Variants in LAMP3 observed in about 807,000 individuals in gnomAD.
LAMP3 encodes lysosome-associated membrane glycoprotein 3.
Under a neutral mutation model 34.8 loss-of-function variants are expected in LAMP3, and 26 were observed. That is an observed-to-expected ratio of 0.75 (90% CI 0.55 to 1.04). The LOEUF (loss-of-function observed/expected upper bound fraction) is 1.04, where lower values mean the gene tolerates loss of function less well. LAMP3 is among the 50% of genes least tolerant of loss of function. LAMP3 has a pLI of 0.00. For synonymous variants in LAMP3, 180 were observed against 201.9 expected (o/e 0.89, Z 0.92); for missense variants, 495 against 524.0 (o/e 0.94, Z 0.54).
intron 3 of LAMP3, among the ~76,000 whole-genome samples, chr3:183,145,299 C>T (rs1720406656): frequency 6.6e-6 from 1 of 151,916 alleles, no homozygotes; most frequent in African/African-American, 2.4e-5. Context: ...AAAGGAAATC[C>T]ACCTCTCCTG....
chr3:183,158,696 T>G (rs1341092755), intron 1 of LAMP3, among the ~76,000 whole-genome samples: 4 of 152,030 alleles, frequency 2.6e-5, no homozygotes, highest in Non-Finnish European at 4.4e-5. Flanking sequence ...TTTCTAGGTA[T>G]TTTCCTGACA....
intron 5 of LAMP3, 80 bp downstream of exon 5, chr3:183,135,637 A>G: frequency 7.7e-7 from 1 of 1,303,920 alleles, no homozygotes; most frequent in Admixed American, 1.8e-5. Flanking sequence ...CTCCTTCGAC[A>G]GCTGCAGACA....
At chr3:183,151,424 CTTT>C (rs1303908629) in intron 3 of LAMP3, among the ~76,000 whole-genome samples, 5 of 130,030 alleles carry the variant, frequency 3.8e-5, no homozygotes, top group African/African-American at 5.9e-5. Flanking sequence ...GGGGCATGCT[CTTT>C]TTTTTTTTTT....
chr3:183,123,991 C>A lies in LAMP3; in HGVS notation c.*90G>T. 1 of 1,436,172 alleles carries A rather than the reference C, an allele frequency of 7.0e-7. No individual in the cohort carries two copies. The allele number at this position is 1,436,172 out of a possible 1,614,324, so 89.0% of individuals were successfully genotyped here. On this transcript the variant is annotated 3_prime_UTR_variant, in exon 6 of 6. Coordinates refer to ENST00000265598, the MANE Select transcript of LAMP3 (RefSeq NM_014398.4). ...TGGTGGTTTACATTGTTTGAAGGAC[C>A]CACACTCTGAGGGAATTTCCCAACA...
At chr3:183,142,060 C>A (rs557526620) in intron 3 of LAMP3, among the ~76,000 whole-genome samples, 2 of 152,208 alleles carry the variant, frequency 1.3e-5, no homozygotes, top group South Asian at 4.1e-4. Flanking sequence ...TTGAACAATG[C>A]CTTTAGACAA....
At chr3:183,152,538 G>A (rs1333348282) in intron 2 of LAMP3, 35 bp from the exon 3 acceptor site, 1 of 1,572,160 alleles carries the variant, frequency 6.4e-7, no homozygotes, top group Non-Finnish European at 8.6e-7. Context: ...TAAATGAGAT[G>A]TAGAGGAAAA....
At chr3:183,150,208 G>C (rs1427014871) in intron 3 of LAMP3, among the ~76,000 whole-genome samples, 3 of 152,176 alleles carry the variant, frequency 2.0e-5, no homozygotes, top group Non-Finnish European at 4.4e-5. Context: ...ACCCTTGGAG[G>C]AAGAGGTAAT....
chr3:183,148,093 G>A (rs891384377), intron 3 of LAMP3, among the ~76,000 whole-genome samples: 1 of 152,080 alleles, frequency 6.6e-6, no homozygotes, highest in Non-Finnish European at 1.5e-5. Context: ...TCAATAAATG[G>A]TGCTAGGAAA....
chr3:183,140,689 A>G lies in LAMP3; in HGVS notation c.889-94T>C. 3 of 836,888 alleles carry G rather than the reference A, an allele frequency of 3.6e-6. No individual in the cohort carries two copies. The South Asian group carries it at 4.3e-5, about 12-fold the overall frequency. 51.8% of individuals were successfully genotyped at this position (836,888 alleles called of 1,614,324 possible). A position where few individuals can be genotyped will look rare whatever the true frequency, so the allele number is the denominator to read the frequency against. On this transcript the variant is annotated intron_variant, in intron 3 of 5. Transcript: ENST00000265598. ...CTTTGTTTAAGATTCCAGCTATTAA[A>G]TCTGGATATAAGGGCTGGGGAGTTA...
chr3:183,148,223 G>T (rs1412724124), intron 3 of LAMP3, among the ~76,000 whole-genome samples: 1 of 152,146 alleles, frequency 6.6e-6, no homozygotes, highest in Non-Finnish European at 1.5e-5. Context: ...ACCACTAAAA[G>T]AAATCACTGG....
intron 5 of LAMP3, among the ~76,000 whole-genome samples, chr3:183,127,222 G>C (rs1003926958): frequency 1.3e-5 from 2 of 152,036 alleles, no homozygotes; most frequent in African/African-American, 4.8e-5. Flanking sequence ...GAAGCCTCCA[G>C]CTCCTGAGGT....
intron 2 of LAMP3, 137 bp downstream of exon 2, chr3:183,153,545 G>A (rs1325101113): frequency 3.6e-6 from 2 of 549,604 alleles, no homozygotes; most frequent in Non-Finnish European, 6.3e-6. Context: ...TTTTAATGGA[G>A]CACCTTGGAG....
At chr3:183,162,864 AGCCGCCGGGGCCCGG>A (rs1721021558), upstream of LAMP3, 1 of 526,830 alleles carries the variant, frequency 1.9e-6, no homozygotes. Context: ...GACTCGGCGC[AGCCGCCGGGGCCCGG>A]GCCTCTGGGA....
chr3:183,162,032 G>A (rs1486307244), intron 1 of LAMP3: 12 of 969,212 alleles, frequency 1.2e-5, no homozygotes, highest in African/African-American at 3.5e-5. Context: ...TGACGTTCGA[G>A]TAACCAGGAA....
rs1719693634 is a variant in LAMP3, at chr3:183,122,483, A to G, written c.*1598T>C. 1 of 152,238 alleles carries G rather than the reference A, an allele frequency of 6.6e-6. No homozygotes were observed. The highest frequency in any genetic ancestry group is 1.5e-5 in the Non-Finnish European group (1 of 68,046). 9.4% of individuals were successfully genotyped at this position (152,238 alleles called of 1,614,324 possible). On this transcript the variant is annotated 3_prime_UTR_variant, in exon 6 of 6. Transcript: ENST00000265598. ...CAGGCTGCTCTACAGAATAAAGTGAACAATAGGAAATATGGATATGAAGTG... is the reference window on the plus strand; with the variant it reads ...CAGGCTGCTCTACAGAATAAAGTGAGCAATAGGAAATATGGATATGAAGTG...
Position 183,153,865 on chromosome 3 carries a change from T to C in LAMP3, c.576A>G (p.Pro192=), listed in dbSNP as rs1720737481. 1 of 1,613,068 alleles carries C rather than the reference T, an allele frequency of 6.2e-7. No homozygotes were observed. Among genetic ancestry groups the C allele is most frequent in the Non-Finnish European group, 8.5e-7 (1 of 1,179,250 alleles). ...GQKPVQPTHA[P]GTTAAAHNTT... Reference sequence around the variant, plus strand: ...TATTGTGGGCAGCTGCCGTTGTTCCTGGGGCATGGGTGGGTTGAACAGGCT... The same window carrying C: ...TATTGTGGGCAGCTGCCGTTGTTCCCGGGGCATGGGTGGGTTGAACAGGCT... The change falls in exon 2 of 6, where the codon CCA becomes CCG. Residue 192 remains proline, a synonymous_variant. Coordinates refer to ENST00000265598, the MANE Select transcript of LAMP3 (RefSeq NM_014398.4).
In LAMP3 at chr3:183,154,145, G is replaced by A. The variant is rs1720752080; in HGVS notation, c.296C>T (p.Pro99Leu). The part of the protein sequence containing the change: ...ATTKNTATTS[P>L]ITYTLVTTQA... ...GGTTGTGACCAGGGTGTAGGTAATT[G>A]GGCTGGTGGTTGCAGTGTTTTTTGT... The change falls in exon 2 of 6, where the codon CCA (proline) becomes CTA (leucine). Residue 99 changes from proline to leucine, a missense_variant. Transcript: ENST00000265598. The A allele has an allele frequency of 2.5e-6, 4 of 1,613,930 alleles. No individual in the cohort carries two copies. Among genetic ancestry groups the A allele is most frequent in the Non-Finnish European group, 3.4e-6 (4 of 1,179,888 alleles).
intron 3 of LAMP3, 85 bp downstream of exon 3, chr3:183,152,290 T>C: frequency 2.9e-6 from 4 of 1,390,902 alleles, no homozygotes; most frequent in Non-Finnish European, 3.9e-6. Context: ...CAAACTGAAG[T>C]GTGGGGTTGC....
intron 1 of LAMP3, among the ~76,000 whole-genome samples, chr3:183,155,706 GTTGTGGAACT>G (rs1720802996): frequency 6.6e-6 from 1 of 152,202 alleles, no homozygotes; most frequent in Non-Finnish European, 1.5e-5. Context: ...TTATTTGTTG[GTTGTGGAACT>G]TTCCTAGTAG....
Sources: gnomAD v4.1 joint callset for allele counts (sites outside exome capture counted in the v4.1 genomes callset) on GRCh38, gnomAD v4.1.1 for gene constraint, MANE v1.5 for transcripts, NCBI Gene and HGNC (gene_info 2026-07-23, HGNC 2026-07-21) for gene names.